Variants in GRK4 observed in about 807,000 individuals in gnomAD.
The protein encoded by GRK4 is G protein-coupled receptor kinase 4, also known as G protein-coupled receptor kinase 2-like.
A neutral mutation model predicts 77.9 loss-of-function variants in GRK4; 73 were observed. The ratio of observed to expected loss-of-function variants is 0.94; its 90% CI spans 0.78 to 1.14. GRK4 has a LOEUF of 1.14. GRK4 is among the 50% of genes most tolerant of loss of function. The pLI, the probability that GRK4 is intolerant of heterozygous loss-of-function variation, is 0.00. For synonymous variants in GRK4, 257 were observed against 254.4 expected, an observed-to-expected ratio of 1.01 and a Z score of -0.10; for missense variants, 729 against 700.2, an observed-to-expected ratio of 1.04 and a Z score of -0.46.
chr4:3,030,381 CTCTT>C (rs1009319055), intron 12 of GRK4, among the ~76,000 whole-genome samples: 2 of 152,180 alleles, frequency 1.3e-5, no homozygotes, highest in African/African-American at 4.8e-5. Context: ...GAGGGAAACT[CTCTT>C]TGTTACTTAC....
chr4:2,986,216 A>G (rs983991703), intron 2 of GRK4, among the ~76,000 whole-genome samples: 1 of 150,502 alleles, frequency 6.6e-6, no homozygotes, highest in African/African-American at 2.4e-5. Context: ...TATTTTTAAT[A>G]TTTGCTAAAC....
intron 1 of GRK4, among the ~76,000 whole-genome samples, chr4:2,982,751 T>C (rs1723191374): frequency 6.6e-6 from 1 of 152,236 alleles, no homozygotes; most frequent in African/African-American, 2.4e-5. Context: ...TGATAGCCTT[T>C]TTTCAGTGCC....
chr4:2,990,436 T>C (rs910435492), intron 3 of GRK4, among the ~76,000 whole-genome samples: 1 of 152,076 alleles, frequency 6.6e-6, no homozygotes, highest in Non-Finnish European at 1.5e-5. Context: ...TTTGTATTTT[T>C]AGTAGAGACG....
intron 10 of GRK4, among the ~76,000 whole-genome samples, chr4:3,023,991 T>C (rs1397528772): frequency 6.6e-6 from 1 of 152,218 alleles, no homozygotes; most frequent in Non-Finnish European, 1.5e-5. Context: ...GATAACCTTT[T>C]TCTGTGTTTT....
At chr4:3,036,832 G>A (rs1401091212) in intron 13 of GRK4, among the ~76,000 whole-genome samples, 2 of 152,128 alleles carry the variant, frequency 1.3e-5, no homozygotes, top group African/African-American at 4.8e-5. Flanking sequence ...GGTTTTCTCC[G>A]GGTGCTTTGC....
intron 11 of GRK4, among the ~76,000 whole-genome samples, chr4:3,028,263 C>T (rs986239766): frequency 3.9e-5 from 6 of 152,092 alleles, no homozygotes; most frequent in African/African-American, 1.4e-4. Flanking sequence ...AGGGCAGAAT[C>T]GGGATGACAC....
intron 4 of GRK4, among the ~76,000 whole-genome samples, chr4:3,000,898 T>TGG: frequency 6.6e-6 from 1 of 151,958 alleles, no homozygotes; most frequent in African/African-American, 2.4e-5. Flanking sequence ...GGAAAATGAA[T>TGG]GGACCGATCT....
chr4:2,995,666 A>T (rs1727641711), intron 4 of GRK4, among the ~76,000 whole-genome samples: 1 of 149,658 alleles, frequency 6.7e-6, no homozygotes, highest in Non-Finnish European at 1.5e-5. Context: ...ATAAAGTGAG[A>T]CTCCTTCTCA....
At chr4:3,033,550 C>T (rs1298352513) in intron 12 of GRK4, among the ~76,000 whole-genome samples, 1 of 152,182 alleles carries the variant, frequency 6.6e-6, no homozygotes, top group South Asian at 2.1e-4. Flanking sequence ...ATTTGCATTA[C>T]ACTTAATTTT....
chr4:3,037,980 C>T (rs1741298219), intron 14 of GRK4, among the ~76,000 whole-genome samples: 1 of 151,966 alleles, frequency 6.6e-6, no homozygotes, highest in Non-Finnish European at 1.5e-5. Context: ...ATGGGCAAGC[C>T]AAGGACCATA....
chr4:2,992,022 A>G, intron 3 of GRK4, among the ~76,000 whole-genome samples, 193 bp from the exon 4 acceptor site: 1 of 150,422 alleles, frequency 6.6e-6, no homozygotes. Context: ...ATAATGAAAC[A>G]TTGTTGGTGA....
At chr4:3,000,708 G>T (rs1203437289) in intron 4 of GRK4, among the ~76,000 whole-genome samples, 1 of 151,934 alleles carries the variant, frequency 6.6e-6, no homozygotes, top group East Asian at 1.9e-4. Context: ...GGGACTACAG[G>T]CACGTGCCAT....
Position 3,035,075 on chromosome 4 carries a change from C to G in GRK4, c.1270-311C>G, listed in dbSNP as rs552999489. On this transcript the variant is annotated intron_variant, in intron 12 of 15. Transcript: ENST00000398052. ...GATGGAGACCACGGTGAAACCCCGT[C>G]TCCACTAAAAATACAAAAAATTAGC... Among the ~76,000 whole-genome samples, 48 of 152,054 alleles carry G rather than the reference C, an allele frequency of 3.2e-4. 1 individual carries two copies. The highest frequency in any genetic ancestry group is 9.2e-4 in the African/African-American group (38 of 41,478).
At position 3,005,162 on chromosome 4, in the gene GRK4, G is replaced by A. The variant is rs567567301; in HGVS notation, c.443+828G>A. On this transcript the variant is annotated intron_variant, in intron 5 of 15. Transcript: ENST00000398052. ...CTAAATTCAGTTTCTTTACATATGC[G>A]GGATGAAAGAACAGTTTCTGAGGTG... Among the ~76,000 whole-genome samples, 5 of 151,994 alleles carry A rather than the reference G, an allele frequency of 3.3e-5. No individual in the cohort carries two copies. In the South Asian group the frequency reaches 8.3e-4, roughly 25 times the overall value.
chr4:2,996,313 G>A (rs1727898947), intron 4 of GRK4, among the ~76,000 whole-genome samples: 1 of 152,186 alleles, frequency 6.6e-6, no homozygotes, highest in Non-Finnish European at 1.5e-5. Flanking sequence ...CCAGCACTTT[G>A]GGAGGCTGAG....
chr4:2,988,144 C>T (rs567246149), intron 2 of GRK4, among the ~76,000 whole-genome samples: 75 of 147,692 alleles, frequency 5.1e-4, no homozygotes, highest in South Asian at 8.5e-4. Context: ...TTTTGAGGAA[C>T]GCCAGACTCT....
At chr4:3,028,404 G>C (rs1738215629) in intron 11 of GRK4, among the ~76,000 whole-genome samples, 1 of 152,250 alleles carries the variant, frequency 6.6e-6, no homozygotes, top group Non-Finnish European at 1.5e-5. Context: ...GGTGGCCTCT[G>C]AGAGCCTCGC....
intron 7 of GRK4, among the ~76,000 whole-genome samples, chr4:3,010,455 G>A (rs545746547): frequency 2.6e-5 from 4 of 152,070 alleles, no homozygotes; most frequent in African/African-American, 9.7e-5. Flanking sequence ...TTGAACTCCC[G>A]ACCTCGGGTG....
rs1725191704 is a variant in GRK4, at chr4:2,988,712, C to G, written c.149-15C>G. The G allele has an allele frequency of 6.9e-7, 1 of 1,440,828 alleles. No individual in the cohort carries two copies. The allele number at this position is 1,440,828 out of a possible 1,614,324, so 89.3% of individuals were successfully genotyped here. A position where few individuals can be genotyped will look rare whatever the true frequency, so the allele number is the denominator to read the frequency against. On this transcript the variant is annotated splice_polypyrimidine_tract_variant and intron_variant, in intron 2 of 15. Transcript: ENST00000398052. ...GATTCTATTTGTTTGCTTCTTATCCCTTTGCTTCACCCAGAAAAGGATTAT... is the reference window on the plus strand; with the variant it reads ...GATTCTATTTGTTTGCTTCTTATCCGTTTGCTTCACCCAGAAAAGGATTAT...
Sources: allele counts gnomAD v4.1 joint callset (sites outside exome capture counted in the v4.1 genomes callset), GRCh38; gene constraint gnomAD v4.1.1; transcripts MANE v1.5; gene names NCBI Gene and HGNC (gene_info 2026-07-23, HGNC 2026-07-21).